MARCHF3: variants seen among roughly 807,000 people sequenced by gnomAD.
MARCHF3 encodes E3 ubiquitin-protein ligase MARCHF3.
MARCHF3 carries 13 observed loss-of-function variants against 24.2 expected under a neutral mutation model. The observed-to-expected ratio is 0.54, with a 90% confidence interval of 0.35 to 0.85. MARCHF3 has a LOEUF of 0.85. Among genes scored for constraint, MARCHF3 ranks in the 40% least tolerant of loss-of-function variants. MARCHF3 has a pLI of 0.01. For synonymous variants in MARCHF3, 144 were observed against 137.3 expected (o/e 1.05, Z -0.34); for missense variants, 276 against 325.0 (o/e 0.85, Z 1.16).
chr5:127,020,795 G>A (rs1437723081), intron 1 of MARCHF3, among the ~76,000 whole-genome samples: 2 of 152,168 alleles, frequency 1.3e-5, no homozygotes, highest in East Asian at 1.9e-4. Context: ...AGACTGCAGA[G>A]CCGAGACTGT....
At chr5:127,030,000 G>T (rs1753125169) in intron 1 of MARCHF3, 1 of 152,208 alleles carries the variant, frequency 6.6e-6, no homozygotes, top group African/African-American at 2.4e-5. Context: ...CACAGCGCGG[G>T]TAATTTTTCA....
At chr5:126,995,340 T>C (rs73786280) in intron 1 of MARCHF3, among the ~76,000 whole-genome samples, 7,844 of 152,278 alleles carry the variant, frequency 0.052, 374 homozygotes, top group South Asian at 0.13. Flanking sequence ...GCTTCTGGCA[T>C]TCTGACATTA....
chr5:126,904,507 T>C (rs974323239), intron 3 of MARCHF3, among the ~76,000 whole-genome samples: 1 of 148,676 alleles, frequency 6.7e-6, no homozygotes, highest in African/African-American at 2.6e-5. Context: ...ATTGCCATTC[T>C]AACTGGTGTG....
In MARCHF3 at chr5:126,914,928, A is replaced by T. The variant is rs1754669804; in HGVS notation, c.393+2T>A. On this transcript the variant is annotated splice_donor_variant, in intron 3 of 4. Transcript: ENST00000308660. LOFTEE classifies it high-confidence loss of function. The stretch of plus-strand genomic sequence containing the variant: ...TTTTCAGGACGTGCCCCACTTACTG[A>T]CCTCCACTAACGGCCTGGGTTTGCG... 1 of 1,613,758 alleles carries T rather than the reference A, an allele frequency of 6.2e-7. No individual in the cohort carries two copies. The highest frequency in any genetic ancestry group is 1.3e-5 in the African/African-American group (1 of 74,906).
chr5:126,959,350 C>CA (rs1165024610), intron 1 of MARCHF3, among the ~76,000 whole-genome samples: 2 of 151,886 alleles, frequency 1.3e-5, no homozygotes, highest in Non-Finnish European at 2.9e-5. Context: ...CAAACAGTCC[C>CA]AAAAAAGGGA....
chr5:126,980,794 T>C (rs573134188), intron 1 of MARCHF3, among the ~76,000 whole-genome samples: 1 of 152,350 alleles, frequency 6.6e-6, no homozygotes, highest in East Asian at 1.9e-4. Context: ...TTCTGCCCAG[T>C]GTGGCATACT....
At chr5:126,966,652 C>T (rs59814275) in intron 1 of MARCHF3, among the ~76,000 whole-genome samples, 7,774 of 151,884 alleles carry the variant, frequency 0.051, 370 homozygotes, top group South Asian at 0.14. Context: ...AAAATGCTAT[C>T]TTCTAAAATA....
intron 1 of MARCHF3, among the ~76,000 whole-genome samples, chr5:126,941,921 C>T (rs1302950953): frequency 1.3e-5 from 2 of 152,132 alleles, no homozygotes; most frequent in Non-Finnish European, 1.5e-5. Flanking sequence ...ATCTAAGCAG[C>T]GCTGGGCAGT....
chr5:126,925,842 A>G (rs1749276313), intron 1 of MARCHF3, among the ~76,000 whole-genome samples: 1 of 152,202 alleles, frequency 6.6e-6, no homozygotes, highest in African/African-American at 2.4e-5. Flanking sequence ...AAAAATTAAA[A>G]TGTACTCTTC....
At chr5:126,983,788 G>A (rs576601512) in intron 1 of MARCHF3, among the ~76,000 whole-genome samples, 138 of 152,254 alleles carry the variant, frequency 9.1e-4, no homozygotes, top group African/African-American at 3.3e-3. Flanking sequence ...CTCAGAAGAG[G>A]CCTATACCAA....
intron 1 of MARCHF3, among the ~76,000 whole-genome samples, chr5:126,951,360 A>G (rs1395224668): frequency 6.6e-6 from 1 of 152,192 alleles, no homozygotes; most frequent in East Asian, 1.9e-4. Context: ...ATAATTAGTG[A>G]CATGGCTAGT....
chr5:126,944,842 A>G (rs1382480032), intron 1 of MARCHF3, among the ~76,000 whole-genome samples: 1 of 152,182 alleles, frequency 6.6e-6, no homozygotes. Context: ...ACAATGTATG[A>G]GGAGGTATTT....
chr5:126,993,185 C>T (rs1397670081), intron 1 of MARCHF3, among the ~76,000 whole-genome samples: 1 of 152,162 alleles, frequency 6.6e-6, no homozygotes. Context: ...ATAAAAGGTG[C>T]TGACTACAGC....
intron 1 of MARCHF3, among the ~76,000 whole-genome samples, chr5:127,027,267 A>G (rs1753028888): frequency 6.6e-6 from 1 of 152,202 alleles, no homozygotes; most frequent in Non-Finnish European, 1.5e-5. Flanking sequence ...TTCAGAAAGT[A>G]AGAATCTCTG....
intron 3 of MARCHF3, among the ~76,000 whole-genome samples, chr5:126,908,949 G>A (rs1754403879): frequency 1.3e-5 from 2 of 152,148 alleles, no homozygotes; most frequent in African/African-American, 4.8e-5. Flanking sequence ...CAAGTTTGTG[G>A]TTTTATCTAC....
chr5:127,025,541 T>G (rs904212664), intron 1 of MARCHF3, among the ~76,000 whole-genome samples: 1 of 152,132 alleles, frequency 6.6e-6, no homozygotes, highest in Non-Finnish European at 1.5e-5. Context: ...CCCTTCACTT[T>G]TTGCCCAGTT....
intron 1 of MARCHF3, among the ~76,000 whole-genome samples, chr5:126,983,793 T>C (rs1751472844): frequency 6.6e-6 from 1 of 152,182 alleles, no homozygotes; most frequent in Non-Finnish European, 1.5e-5. Context: ...AAGAGGCCTA[T>C]ACCAAAGCAA....
intron 3 of MARCHF3, among the ~76,000 whole-genome samples, chr5:126,905,612 T>C (rs1286150345): frequency 2.0e-5 from 3 of 151,998 alleles, no homozygotes; most frequent in Non-Finnish European, 4.4e-5. Context: ...TTTGGCTCTC[T>C]GTTTGTCTGT....
chr5:126,944,651 T>C (rs1455046461), intron 1 of MARCHF3, among the ~76,000 whole-genome samples: 1 of 152,186 alleles, frequency 6.6e-6, no homozygotes, highest in Admixed American at 6.5e-5. Flanking sequence ...AAGAGGTATG[T>C]TGACATGGGA....
Sources: allele counts gnomAD v4.1 joint callset (sites outside exome capture counted in the v4.1 genomes callset), GRCh38; gene constraint gnomAD v4.1.1; transcripts MANE v1.5; gene names NCBI Gene and HGNC (gene_info 2026-07-23, HGNC 2026-07-21).